Variants in ZNF609 observed in about 807,000 individuals in gnomAD.
ZNF609 encodes the protein zinc finger protein 609.
In ZNF609, 11 loss-of-function variants were observed where a neutral mutation model predicts 109.5. The ratio of observed to expected loss-of-function variants is 0.10; its 90% CI spans 0.06 to 0.17. ZNF609 has a LOEUF of 0.17. Among genes scored for constraint, ZNF609 ranks in the 10% least tolerant of loss-of-function variants. ZNF609 has a pLI of 1.00. For synonymous variants in ZNF609, 646 were observed against 662.0 expected, an observed-to-expected ratio of 0.98 and a Z score of 0.37; for missense variants, 1,559 against 1,772.4, an observed-to-expected ratio of 0.88 and a Z score of 2.16.
At chr15:64,608,006 C>T (rs1395693824) in intron 2 of ZNF609, among the ~76,000 whole-genome samples, 2 of 137,292 alleles carry the variant, frequency 1.5e-5, no homozygotes, top group African/African-American at 5.4e-5. Flanking sequence ...TCAAGCAATT[C>T]TCCTGCCTCA....
intron 1 of ZNF609, among the ~76,000 whole-genome samples, chr15:64,469,244 CAA>C (rs1189168631): frequency 2.6e-5 from 4 of 151,322 alleles, no homozygotes; most frequent in Non-Finnish European, 5.9e-5. Context: ...GCCTGGGCAA[CAA>C]GAGATAAATT....
rs575777880 is a variant in ZNF609, at chr15:64,491,086, A to C, written c.-127-8207A>C. Among the ~76,000 whole-genome samples the C allele has an allele frequency of 4.5e-4, 69 of 152,336 alleles. 1 individual carries two copies. In the South Asian group the frequency reaches 0.011, roughly 24 times the overall value. On this transcript the variant is annotated intron_variant, in intron 1 of 9. Transcript: ENST00000326648. The stretch of plus-strand genomic sequence containing the variant: ...AATCTCCATTGGAGATATAAGCTGA[A>C]AGCTATGGTACTTGAGGAGATGACA...
chr15:64,658,222 G>A (rs1471588205), intron 3 of ZNF609, among the ~76,000 whole-genome samples: 3 of 151,724 alleles, frequency 2.0e-5, no homozygotes, highest in South Asian at 4.2e-4. Flanking sequence ...TTTTGAGACG[G>A]AGTCTTGCTC....
At chr15:64,612,181 T>G (rs1431590627) in intron 2 of ZNF609, among the ~76,000 whole-genome samples, 1 of 151,472 alleles carries the variant, frequency 6.6e-6, no homozygotes, top group Middle Eastern at 3.2e-3. Context: ...GGAATTCCCC[T>G]CTGTCCCCCA....
chr15:64,470,879 AG>A (rs1893081899), intron 1 of ZNF609, among the ~76,000 whole-genome samples: 1 of 152,238 alleles, frequency 6.6e-6, no homozygotes, highest in African/African-American at 2.4e-5. Context: ...TCCCCATATT[AG>A]GATTTTTATC....
At chr15:64,464,167 C>A (rs1308336190) in intron 1 of ZNF609, among the ~76,000 whole-genome samples, 1 of 152,120 alleles carries the variant, frequency 6.6e-6, no homozygotes, top group African/African-American at 2.4e-5. Flanking sequence ...AATTATGTTG[C>A]AATTAGCATA....
chr15:64,666,266 C>T (rs148247580), intron 3 of ZNF609, among the ~76,000 whole-genome samples: 4 of 144,602 alleles, frequency 2.8e-5, no homozygotes, highest in African/African-American at 5.1e-5. Context: ...TGGTGGCACA[C>T]GCCTGTAATC....
chr15:64,543,357 TTC>T (rs1990477472), intron 2 of ZNF609, among the ~76,000 whole-genome samples: 1 of 150,976 alleles, frequency 6.6e-6, no homozygotes, highest in South Asian at 2.1e-4. Flanking sequence ...GGTTCATACT[TTC>T]TGTTGTTTCA....
intron 1 of ZNF609, among the ~76,000 whole-genome samples, chr15:64,464,206 T>C (rs1398940939): frequency 6.6e-6 from 1 of 152,156 alleles, no homozygotes; most frequent in Admixed American, 6.5e-5. Context: ...AACACGATAA[T>C]TTGTTGAGGG....
At chr15:64,572,151 A>G (rs940093158) in intron 2 of ZNF609, among the ~76,000 whole-genome samples, 3 of 152,212 alleles carry the variant, frequency 2.0e-5, no homozygotes, top group Admixed American at 2.0e-4. Context: ...TGGGTTTGAC[A>G]TGGTTCTGTA....
intron 1 of ZNF609, among the ~76,000 whole-genome samples, chr15:64,495,991 G>A (rs1291707013): frequency 2.0e-5 from 3 of 151,726 alleles, no homozygotes; most frequent in Non-Finnish European, 4.4e-5. Context: ...GCTAATTTTT[G>A]TATTATTAGT....
rs1248908295 is a variant in ZNF609, at chr15:64,607,856, TTTC to T, written c.748-14968_748-14966del. Among the ~76,000 whole-genome samples the T allele has an allele frequency of 4.0e-3, 133 of 33,114 alleles. 2 individuals carry two copies. Among genetic ancestry groups the T allele is most frequent in the Non-Finnish European group, 4.7e-3 (52 of 11,098 alleles). 21.7% of individuals were successfully genotyped at this position (33,114 alleles called of 152,430 possible). Reference sequence around the variant, plus strand: ...CTTTCTTTCTTTCTTTCTTTCTTTCTTTCTTTCTTTCTTTCTTTCTTTCTTCTT... The same window carrying T: ...CTTTCTTTCTTTCTTTCTTTCTTTCTTTTCTTTCTTTCTTTCTTTCTTCTT... On this transcript the variant is annotated intron_variant, in intron 2 of 9. Transcript: ENST00000326648.
intron 4 of ZNF609, among the ~76,000 whole-genome samples, chr15:64,673,149 C>G (rs542647467): frequency 2.6e-5 from 4 of 152,132 alleles, no homozygotes; most frequent in Non-Finnish European, 5.9e-5. Context: ...AGTAGCTTTA[C>G]AGTAGAACTG....
At chr15:64,598,740 GTGTATATATATATATATATATATATA>G (rs1297238326) in intron 2 of ZNF609, among the ~76,000 whole-genome samples, 46 of 84,720 alleles carry the variant, frequency 5.4e-4, no homozygotes, top group Admixed American at 9.4e-4. Context: ...ATCTTTGTGT[GTGTATATATATATATATATATATATA>G]TATATATATA....
rs547596122 is a variant in ZNF609 at position 64,531,030 on chromosome 15, T to A, written c.747+30864T>A. 3.9e-5 allele frequency among the ~76,000 whole-genome samples: 6 copies of A among 152,352 alleles called. No homozygotes were observed. The South Asian group carries it at 1.2e-3, about 32-fold the overall frequency. Reference sequence around the variant, plus strand: ...CTCAGAATTACTCTTTTTCCTAATTTGTAATGTATATCATTCCACTTAACA... The same window carrying A: ...CTCAGAATTACTCTTTTTCCTAATTAGTAATGTATATCATTCCACTTAACA... On this transcript the variant is annotated intron_variant, in intron 2 of 9. Transcript: ENST00000326648.
chr15:64,480,104 G>T (rs1447191550), intron 1 of ZNF609, among the ~76,000 whole-genome samples: 11 of 151,850 alleles, frequency 7.2e-5, no homozygotes, highest in African/African-American at 2.7e-4. Context: ...CTGGCATGGT[G>T]GCAGGTGCCT....
At position 64,675,870 on chromosome 15, in the gene ZNF609, G is replaced by C; in HGVS notation, c.3016G>C (p.Glu1006Gln). 6.2e-7 allele frequency: 1 copy of C among 1,614,208 alleles called. No homozygotes were observed. The highest frequency in any genetic ancestry group is 8.5e-7 in the Non-Finnish European group (1 of 1,180,040). Residue 1006 changes from glutamate (E) to glutamine (Q), a missense_variant, in exon 5 of 10, where the codon GAA (glutamate) becomes CAA (glutamine). Coordinates refer to ENST00000326648, the MANE Select transcript of ZNF609 (RefSeq NM_015042.2). ...TAACACGGCTTACCGGCAGCAGTACGAAGAACAGCAGAAACGCCAGAGCTT... is the reference window on the plus strand; with the variant it reads ...TAACACGGCTTACCGGCAGCAGTACCAAGAACAGCAGAAACGCCAGAGCTT... ...STNTAYRQQY[E>Q]EQQKRQSLEQ...
chr15:64,664,110 C>T (rs893927829), intron 3 of ZNF609, among the ~76,000 whole-genome samples: 3 of 152,110 alleles, frequency 2.0e-5, no homozygotes, highest in African/African-American at 7.2e-5. Flanking sequence ...CACCTGTAAT[C>T]CCAGCTGCTT....
chr15:64,550,312 T>TTTG (rs1198529358), intron 2 of ZNF609, among the ~76,000 whole-genome samples: 3 of 136,016 alleles, frequency 2.2e-5, no homozygotes, highest in African/African-American at 8.1e-5. Context: ...TGAATTGGGG[T>TTTG]TTGTTGTTGT....
Sources: gnomAD v4.1 joint callset for allele counts (sites outside exome capture counted in the v4.1 genomes callset) on GRCh38, gnomAD v4.1.1 for gene constraint, MANE v1.5 for transcripts, NCBI Gene and HGNC (gene_info 2026-07-23, HGNC 2026-07-21) for gene names.